KCNC2: variants seen among roughly 807,000 people sequenced by gnomAD.
The protein encoded by KCNC2 is voltage-gated potassium channel KCNC2.
In KCNC2, 21 loss-of-function variants were observed where a neutral mutation model predicts 44.5. The observed-to-expected ratio is 0.47, with a 90% confidence interval of 0.33 to 0.68. The LOEUF is 0.68. KCNC2 is among the 30% of genes least tolerant of loss of function. The probability of loss-of-function intolerance (pLI) is 0.01; values close to 1 mark genes in which losing one functional copy is unlikely to be tolerated. For missense variants in KCNC2, 589 were observed against 826.2 expected (o/e 0.71, Z 3.52); for synonymous variants, 391 against 339.1 (o/e 1.15, Z -1.68).
intron 2 of KCNC2, among the ~76,000 whole-genome samples, chr12:75,197,631 C>T (rs866278554): frequency 6.6e-6 from 1 of 151,940 alleles, no homozygotes; most frequent in Non-Finnish European, 1.5e-5. Context: ...CTAGTTCTGG[C>T]CAACAGTTGA....
At chr12:75,074,693 A>G (rs1444807478) in intron 2 of KCNC2, among the ~76,000 whole-genome samples, 1 of 152,160 alleles carries the variant, frequency 6.6e-6, no homozygotes, top group Admixed American at 6.5e-5. Flanking sequence ...CTCAGCTCTC[A>G]TTTATTTCAT....
chr12:75,180,904 G>A (rs1253570436), intron 2 of KCNC2, among the ~76,000 whole-genome samples: 2 of 151,822 alleles, frequency 1.3e-5, no homozygotes, highest in Admixed American at 6.6e-5. Context: ...TCCATAGTTA[G>A]CATTTTTGAT....
At chr12:75,199,989 C>A (rs1236483174) in intron 2 of KCNC2, among the ~76,000 whole-genome samples, 3 of 151,600 alleles carry the variant, frequency 2.0e-5, no homozygotes, top group African/African-American at 7.3e-5. Flanking sequence ...ATTTTTAAGG[C>A]TTTTTAGGAA....
At position 75,041,464 on chromosome 12, in the gene KCNC2, C is replaced by T; in HGVS notation, c.*1641G>A. 2 of 1,248,628 alleles carry T rather than the reference C, an allele frequency of 1.6e-6. No individual in the cohort carries two copies. The highest frequency in any genetic ancestry group is 2.0e-6 in the Non-Finnish European group (2 of 985,902). 77.3% of individuals were successfully genotyped at this position (1,248,628 alleles called of 1,614,324 possible). On this transcript the variant is annotated 3_prime_UTR_variant, in exon 5 of 5. Transcript: ENST00000549446. The stretch of plus-strand genomic sequence containing the variant: ...AATTGTCTTCCTAACAAAAAATAAA[C>T]ATGAGAAATAGGAATTAATCAGCAG...
chr12:75,158,863 TGAACA>T (rs1890932989), intron 2 of KCNC2, among the ~76,000 whole-genome samples: 1 of 151,886 alleles, frequency 6.6e-6, no homozygotes, highest in Non-Finnish European at 1.5e-5. Flanking sequence ...GAGTCAATAC[TGAACA>T]AAATTTAATT....
At chr12:75,157,670 G>A (rs758852836) in intron 2 of KCNC2, among the ~76,000 whole-genome samples, 1 of 151,800 alleles carries the variant, frequency 6.6e-6, no homozygotes. Flanking sequence ...AAGTCCCCAT[G>A]TGATGGAAAA....
At chr12:75,058,222 T>C (rs1369823435) in intron 2 of KCNC2, among the ~76,000 whole-genome samples, 1 of 151,976 alleles carries the variant, frequency 6.6e-6, no homozygotes, top group Non-Finnish European at 1.5e-5. Flanking sequence ...AAAATTTTTA[T>C]GCTTTTCACT....
intron 2 of KCNC2, among the ~76,000 whole-genome samples, chr12:75,056,561 T>A (rs1410947371): frequency 6.6e-6 from 1 of 151,936 alleles, no homozygotes; most frequent in African/African-American, 2.4e-5. Flanking sequence ...CTTTCTTAAA[T>A]AATAAAATAA....
intron 2 of KCNC2, among the ~76,000 whole-genome samples, chr12:75,177,570 C>T (rs1202175586): frequency 6.6e-6 from 1 of 151,792 alleles, no homozygotes; most frequent in Non-Finnish European, 1.5e-5. Context: ...CAGCAAGTGG[C>T]CAGTTCATTC....
At chr12:75,133,035 C>T (rs71460123) in intron 2 of KCNC2, among the ~76,000 whole-genome samples, 7,280 of 152,046 alleles carry the variant, frequency 0.048, 287 homozygotes, top group Non-Finnish European at 0.064. Context: ...TTACTAAAGA[C>T]AGATAAAGTG....
chr12:75,140,831 T>G (rs535084150), intron 2 of KCNC2, among the ~76,000 whole-genome samples: 1 of 151,910 alleles, frequency 6.6e-6, no homozygotes, highest in Admixed American at 6.6e-5. Flanking sequence ...GAAAAGAAAT[T>G]GAGAGATTTT....
At chr12:75,168,504 C>T (rs1891603161) in intron 2 of KCNC2, among the ~76,000 whole-genome samples, 1 of 151,406 alleles carries the variant, frequency 6.6e-6, no homozygotes. Flanking sequence ...TTATCAATTG[C>T]ATAGTTTCTA....
intron 2 of KCNC2, among the ~76,000 whole-genome samples, chr12:75,172,440 A>G (rs1417315273): frequency 1.3e-5 from 2 of 151,726 alleles, no homozygotes; most frequent in African/African-American, 2.4e-5. Flanking sequence ...ACATTTACCT[A>G]TGTAAGAAAT....
At chr12:75,170,835 A>T (rs1891766981) in intron 2 of KCNC2, among the ~76,000 whole-genome samples, 1 of 151,828 alleles carries the variant, frequency 6.6e-6, no homozygotes, top group Admixed American at 6.6e-5. Context: ...AAGTTCTGGC[A>T]CAGCATAGCT....
intron 2 of KCNC2, among the ~76,000 whole-genome samples, chr12:75,192,316 A>G (rs1447382146): frequency 6.6e-6 from 1 of 152,220 alleles, no homozygotes; most frequent in Non-Finnish European, 1.5e-5. Flanking sequence ...TAGCAGGACA[A>G]TCAGTGCCAT....
intron 2 of KCNC2, among the ~76,000 whole-genome samples, chr12:75,147,146 C>T (rs1890080798): frequency 6.6e-6 from 1 of 151,950 alleles, no homozygotes; most frequent in Non-Finnish European, 1.5e-5. Context: ...TTTATTGTAA[C>T]ATTTTAAAAT....
At chr12:75,124,647 G>C (rs575345368) in intron 2 of KCNC2, among the ~76,000 whole-genome samples, 1 of 152,250 alleles carries the variant, frequency 6.6e-6, no homozygotes, top group South Asian at 2.1e-4. Flanking sequence ...TGTGCTACCA[G>C]ACTCATAAAA....
intron 2 of KCNC2, among the ~76,000 whole-genome samples, chr12:75,147,951 C>G (rs1213980094): frequency 6.6e-6 from 1 of 152,122 alleles, no homozygotes; most frequent in East Asian, 1.9e-4. Flanking sequence ...ATTTAAATAT[C>G]AGACTTAGGA....
At chr12:75,066,904 G>A (rs1164759184) in intron 2 of KCNC2, among the ~76,000 whole-genome samples, 1 of 151,956 alleles carries the variant, frequency 6.6e-6, no homozygotes, top group African/African-American at 2.4e-5. Context: ...TTCAATTTGG[G>A]GATAACAAAA....
Sources: gnomAD v4.1 joint callset for allele counts (sites outside exome capture counted in the v4.1 genomes callset) on GRCh38, gnomAD v4.1.1 for gene constraint, MANE v1.5 for transcripts, NCBI Gene and HGNC (gene_info 2026-07-23, HGNC 2026-07-21) for gene names.